The following TAB2 variants were observed in gnomAD, a reference collection of about 807,000 sequenced individuals.
The protein encoded by TAB2 is TGF-beta activated kinase 1 (MAP3K7) binding protein 2, also known as TGF-beta-activated kinase 1 and MAP3K7-binding protein 2.
TAB2 carries 3 observed loss-of-function variants against 65.0 expected under a neutral mutation model. The observed-to-expected ratio is 0.05, with a 90% CI of 0.02 to 0.12. The LOEUF is 0.12. TAB2 is among the 10% of genes least tolerant of loss of function. The probability of loss-of-function intolerance (pLI) is 1.00; values close to 1 mark genes in which losing one functional copy is unlikely to be tolerated. For missense variants in TAB2, 623 were observed against 840.3 expected (o/e 0.74, Z 3.20); for synonymous variants, 298 against 285.1 (o/e 1.05, Z -0.46).
chr6:149,351,267 C>T (rs1780481221), intron 1 of TAB2, among the ~76,000 whole-genome samples: 1 of 152,128 alleles, frequency 6.6e-6, no homozygotes, highest in South Asian at 2.1e-4. Flanking sequence ...GTCCCGTATG[C>T]ATTGAAAAAG....
chr6:149,368,581 C>T (rs1209822020), intron 1 of TAB2, among the ~76,000 whole-genome samples: 1 of 151,846 alleles, frequency 6.6e-6, no homozygotes, highest in East Asian at 1.9e-4. Flanking sequence ...ATGTCCTTTA[C>T]TCATTTCTAG....
chr6:149,315,844 C>A, upstream of TAB2, among the ~76,000 whole-genome samples: 1 of 152,088 alleles, frequency 6.6e-6, no homozygotes, highest in East Asian at 1.9e-4. Context: ...CCTTCTTTGC[C>A]CCCCACTGGT....
rs142725359 is a variant in TAB2, at chr6:149,371,572, A to T, written c.102+1473A>T. On this transcript the variant is annotated intron_variant, in intron 2 of 6. Coordinates refer to ENST00000637181, the MANE Select transcript of TAB2 (RefSeq NM_001292034.3). Reference sequence around the variant, plus strand: ...CTGAGTTCAAGTTTTGACAGTTGCTAGCAGTAACTTAATTAACTTCTCTGA... The same window carrying T: ...CTGAGTTCAAGTTTTGACAGTTGCTTGCAGTAACTTAATTAACTTCTCTGA... Among the ~76,000 whole-genome samples the T allele has an allele frequency of 2.4e-3, 361 of 152,366 alleles. 3 individuals are homozygous for T. The highest frequency in any genetic ancestry group is 8.3e-3 in the African/African-American group (344 of 41,576).
chr6:149,299,217 A>G (rs1234597517), intron 1 of TAB2, among the ~76,000 whole-genome samples: 6 of 152,230 alleles, frequency 3.9e-5, no homozygotes, highest in Non-Finnish European at 5.9e-5. Context: ...AATTCTGGTC[A>G]TGAGACTATA....
chr6:149,224,738 T>C (rs1223940772), intron 1 of TAB2, among the ~76,000 whole-genome samples: 1 of 152,254 alleles, frequency 6.6e-6, no homozygotes, highest in African/African-American at 2.4e-5. Context: ...TGTAAGAATA[T>C]ACTTTGCTTT....
At chr6:149,367,982 GATA>G (rs1781093984) in intron 1 of TAB2, among the ~76,000 whole-genome samples, 1 of 152,092 alleles carries the variant, frequency 6.6e-6, no homozygotes, top group Admixed American at 6.6e-5. Flanking sequence ...TGGAGTTGGA[GATA>G]ATAATTTGCC....
intron 1 of TAB2, among the ~76,000 whole-genome samples, chr6:149,327,789 A>G (rs1399030637): frequency 6.6e-6 from 1 of 152,242 alleles, no homozygotes; most frequent in African/African-American, 2.4e-5. Flanking sequence ...AAGCACATGG[A>G]AATGGGGATT....
At chr6:149,305,968 C>T (rs1374234931) in intron 1 of TAB2, among the ~76,000 whole-genome samples, 1 of 152,204 alleles carries the variant, frequency 6.6e-6, no homozygotes, top group Non-Finnish European at 1.5e-5. Flanking sequence ...CTTCACCCAC[C>T]TTTAAGTACC....
chr6:149,357,854 T>C (rs1780717241), intron 1 of TAB2, among the ~76,000 whole-genome samples: 1 of 152,024 alleles, frequency 6.6e-6, no homozygotes, highest in African/African-American at 2.4e-5. Context: ...CATCCACCCC[T>C]ACGCCCGGCT....
chr6:149,308,976 A>G (rs1779119373), intron 1 of TAB2, among the ~76,000 whole-genome samples: 2 of 152,150 alleles, frequency 1.3e-5, no homozygotes, highest in Admixed American at 1.3e-4. Flanking sequence ...ATCACCGTAT[A>G]CATAGCCAGC....
chr6:149,380,208 C>G (rs1781563826), intron 3 of TAB2: 1 of 180,040 alleles, frequency 5.6e-6, no homozygotes, highest in South Asian at 1.0e-4. Context: ...ACCACTCTGC[C>G]CCAGCCTGGG....
chr6:149,298,538 G>A (rs890439415), intron 1 of TAB2, among the ~76,000 whole-genome samples: 2 of 152,144 alleles, frequency 1.3e-5, no homozygotes, highest in African/African-American at 4.8e-5. Context: ...TGAGGTGGGA[G>A]ACTTGCTTGA....
Position 149,369,924 on chromosome 6 carries a change from A to T in TAB2, c.-74A>T. ...TCTTTCACAGAAAATGCTTGGACAGAAGAGATGAGTACTATTTCCACTAAG... is the reference window on the plus strand; with the variant it reads ...TCTTTCACAGAAAATGCTTGGACAGTAGAGATGAGTACTATTTCCACTAAG... On this transcript the variant is annotated 5_prime_UTR_variant, in exon 2 of 7. An upstream open reading frame in the 5' UTR gains an earlier in-frame stop. Coordinates refer to ENST00000637181, the MANE Select transcript of TAB2 (RefSeq NM_001292034.3). The T allele has an allele frequency of 7.8e-6, 10 of 1,277,300 alleles. No individual in the cohort carries two copies. Among genetic ancestry groups the T allele is most frequent in the Non-Finnish European group, 1.1e-5 (10 of 873,184 alleles). The allele number at this position is 1,277,300 out of a possible 1,614,324, so 79.1% of individuals were successfully genotyped here.
At chr6:149,246,130 G>C (rs1478236979) in intron 1 of TAB2, 1 of 152,148 alleles carries the variant, frequency 6.6e-6, no homozygotes, top group Non-Finnish European at 1.5e-5. Flanking sequence ...TGTTGGCCAG[G>C]ATGGTCTCGA....
chr6:149,317,371 G>C (rs1397076472), upstream of TAB2, among the ~76,000 whole-genome samples: 4 of 151,630 alleles, frequency 2.6e-5, no homozygotes, highest in African/African-American at 9.7e-5. This position sits in a 1 kb window ranked among gnomAD's most constrained non-coding sequence, Gnocchi z 4.7. Flanking sequence ...CGAGTGTCGG[G>C]GGAGGGGTAC....
At chr6:149,280,093 A>G (rs1327503918) in intron 1 of TAB2, among the ~76,000 whole-genome samples, 2 of 152,220 alleles carry the variant, frequency 1.3e-5, no homozygotes, top group East Asian at 3.8e-4. Context: ...ATCTGCTTCC[A>G]GTACCTGTAG....
intron 3 of TAB2, among the ~76,000 whole-genome samples, chr6:149,382,262 A>G (rs988593826): frequency 6.6e-6 from 1 of 152,200 alleles, no homozygotes; most frequent in Non-Finnish European, 1.5e-5. Flanking sequence ...TGAAGAACAG[A>G]TAGATTAAGT....
chr6:149,367,392 G>A (rs112090044), intron 1 of TAB2, among the ~76,000 whole-genome samples: 3 of 152,186 alleles, frequency 2.0e-5, no homozygotes, highest in African/African-American at 4.8e-5. Flanking sequence ...CAGCAAATCC[G>A]ATAGCCCTAA....
At chr6:149,372,002 A>C (rs1781242587) in intron 2 of TAB2, among the ~76,000 whole-genome samples, 1 of 152,180 alleles carries the variant, frequency 6.6e-6, no homozygotes, top group East Asian at 1.9e-4. Flanking sequence ...TATGCTGTTC[A>C]GTAGGTTATT....
Sources: gnomAD v4.1 joint callset for allele counts (sites outside exome capture counted in the v4.1 genomes callset) on GRCh38, gnomAD v4.1.1 for gene constraint, Gnocchi (gnomAD v3.1) non-coding constraint, MANE v1.5 for transcripts, NCBI Gene and HGNC (gene_info 2026-07-23, HGNC 2026-07-21) for gene names.